The following EEF1D variants were observed in gnomAD, a reference collection of about 807,000 sequenced individuals.
EEF1D encodes the protein eukaryotic translation elongation factor 1 delta.
EEF1D carries 47 observed loss-of-function variants against 63.9 expected under a neutral mutation model. The ratio of observed to expected loss-of-function variants is 0.74; its 90% CI spans 0.58 to 0.94. The LOEUF (loss-of-function observed/expected upper bound fraction) is 0.94, where lower values mean the gene tolerates loss of function less well. Among genes scored for constraint, EEF1D ranks in the 40% least tolerant of loss-of-function variants. The pLI is 0.00. For synonymous variants in EEF1D, 412 were observed against 386.1 expected (o/e 1.07, Z -0.79); for missense variants, 907 against 899.0 (o/e 1.01, Z -0.11).
In EEF1D at chr8:143,579,818, C is replaced by A. The variant is rs769293820; in HGVS notation, c.1918G>T (p.Asp640Tyr). ...CAGATCTTGTTGAAAGCTGCGATAT[C>A]GACACTCTGCACCTGAGGAGAGGCG... ...TKFEEHVQSV[D>Y]IAAFNKI The change falls in exon 10 of 10, where the codon GAT becomes TAT. Residue 640 changes from aspartate to tyrosine, a missense_variant. By Grantham distance (160) the Asp-to-Tyr change is radical (BLOSUM62 -3). Transcript: ENST00000618139. The A allele has an allele frequency of 1.9e-6, 3 of 1,566,220 alleles. No individual in the cohort carries two copies. The highest frequency in any genetic ancestry group is 2.7e-5 in the African/African-American group (2 of 73,532).
At chr8:143,583,980 CAAGG>C (rs1354338948) in intron 5 of EEF1D, 1 of 152,248 alleles carries the variant, frequency 6.6e-6, no homozygotes, top group Non-Finnish European at 1.5e-5. Context: ...CCAGAAGAGA[CAAGG>C]AAGCGGATTC....
At chr8:143,588,963 G>T in intron 3 of EEF1D, 28 bp downstream of exon 3, 1 of 1,583,866 alleles carries the variant, frequency 6.3e-7, no homozygotes, top group Non-Finnish European at 8.5e-7. Flanking sequence ...AGCCCAGGCT[G>T]GGTGCCCACC....
In EEF1D at chr8:143,580,496, G is replaced by A. The variant is rs373473999; in HGVS notation, c.1710+10C>T. The A allele has an allele frequency of 2.4e-4, 383 of 1,607,208 alleles. No homozygotes were observed. Among genetic ancestry groups the A allele is most frequent in the South Asian group, 1.1e-3 (101 of 90,850 alleles). ...GCCTGGCCCCCTGAAGCCCCACCCC[G>A]CCCACTCACAGGCTTGACATCCAGC... On this transcript the variant is annotated intron_variant, in intron 8 of 9. Coordinates refer to ENST00000618139, the MANE Select transcript of EEF1D (RefSeq NM_001130053.5).
chr8:143,586,163 A>T, intron 5 of EEF1D, 56 bp downstream of exon 5: 1 of 1,528,118 alleles, frequency 6.5e-7, no homozygotes, highest in African/African-American at 1.4e-5. Flanking sequence ...AGGAAAAATC[A>T]GACATGCTGC....
rs371573684 is a variant in EEF1D at position 143,586,264 on chromosome 8, A to C, written c.1242T>G (p.Arg414=). Residue 414 remains arginine, a synonymous_variant, in exon 5 of 10, where the codon CGT becomes CGG. Coordinates refer to ENST00000618139, the MANE Select transcript of EEF1D (RefSeq NM_001130053.5). ...TGTTCTCTCTGGCTCTCGCAATGTC[A>C]CGGAGGATCACGCTGGCGCCGTTCT... is the stretch of plus-strand genomic sequence containing the variant. The part of the protein sequence containing the change: ...RQENGASVIL[R]DIARARENIQ... 1.4e-5 allele frequency: 22 copies of C among 1,608,456 alleles called. No individual in the cohort carries two copies. Among genetic ancestry groups the C allele is most frequent in the African/African-American group, 2.7e-5 (2 of 74,768 alleles).
chr8:143,596,204 G>C (rs1256265905), intron 1 of EEF1D: 1 of 152,430 alleles, frequency 6.6e-6, no homozygotes, highest in Non-Finnish European at 1.5e-5. Context: ...CACTCTGCCA[G>C]CACTGACTGC....
Position 143,581,146 on chromosome 8 carries a change from C to T in EEF1D, c.1396G>A (p.Glu466Lys), listed in dbSNP as rs1394113174. Residue 466 changes from glutamate (E) to lysine (K), a missense_variant, in exon 7 of 10, where the codon GAG (glutamate) becomes AAG (lysine). Physicochemically the swap from Glu to Lys is moderately conservative, Grantham distance 56. Coordinates refer to ENST00000618139, the MANE Select transcript of EEF1D (RefSeq NM_001130053.5). ...AGCTTGGAGATGGCCTGCTGCAGCT[C>T]CTGTACCACTGGGGGGGCAAGGGGA... ...ENQSLRGVVQ[E>K]LQQAISKLEA... is the part of the protein sequence containing the mutation. 2 of 1,612,978 alleles carry T rather than the reference C, an allele frequency of 1.2e-6. No individual in the cohort carries two copies. Among genetic ancestry groups the T allele is most frequent in the South Asian group, 2.2e-5 (2 of 91,078 alleles).
At chr8:143,584,178 C>T (rs1826092881) in intron 5 of EEF1D, 1 of 152,202 alleles carries the variant, frequency 6.6e-6, no homozygotes, top group South Asian at 2.1e-4. Context: ...TGGGGTGCTG[C>T]TGGAATGCCT....
chr8:143,585,510 T>A (rs1027083392), intron 5 of EEF1D, among the ~76,000 whole-genome samples: 4 of 152,228 alleles, frequency 2.6e-5, no homozygotes, highest in Admixed American at 2.0e-4. Flanking sequence ...ATGTACTGTT[T>A]CCAGCGTGAG....
rs559124965 is a variant in EEF1D, at chr8:143,587,787, C to G, written c.1092-935G>C. Among the ~76,000 whole-genome samples, 4 of 152,376 alleles carry G rather than the reference C, an allele frequency of 2.6e-5. 1 individual carries two copies. In the South Asian group the frequency reaches 8.3e-4, roughly 32 times the overall value. ...TGGTTTTACTGGCACAAAGCCCCAC[C>G]TCGTGCCACTCCCACTGGCCAGCAG... is the stretch of plus-strand genomic sequence containing the variant. On this transcript the variant is annotated intron_variant, in intron 3 of 9. Coordinates refer to ENST00000618139, the MANE Select transcript of EEF1D (RefSeq NM_001130053.5).
At chr8:143,592,416 TG>T (rs1354763143) in intron 2 of EEF1D, among the ~76,000 whole-genome samples, 1 of 150,578 alleles carries the variant, frequency 6.6e-6, no homozygotes, top group Non-Finnish European at 1.5e-5. Flanking sequence ...GCATGTCAGC[TG>T]CTGACCCGCC....
chr8:143,588,889 C>A, intron 3 of EEF1D, 102 bp downstream of exon 3: 1 of 1,446,228 alleles, frequency 6.9e-7, no homozygotes. Context: ...GGAGCCCCCA[C>A]CCCAGGTGGG....
intron 1 of EEF1D, chr8:143,596,698 T>G (rs1828888802): frequency 6.6e-6 from 1 of 152,288 alleles, no homozygotes; most frequent in African/African-American, 2.4e-5. Flanking sequence ...TGACGTCTCA[T>G]CAGGTCCCCA....
Position 143,589,821 on chromosome 8 carries a change from C to T in EEF1D, c.261G>A (p.Lys87=). 1 of 1,603,898 alleles carries T rather than the reference C, an allele frequency of 6.2e-7. No homozygotes were observed. Among genetic ancestry groups the T allele is most frequent in the Non-Finnish European group, 8.5e-7 (1 of 1,176,272 alleles). ...GCCCGCTCTTGGGGGAGCGCTTCCT[C>T]TTTTTCTGCAGGGGCTTCCTGCTGT... ...SQDSRKPLQK[K]RKRSPKSGLG... Residue 87 remains lysine (K), a synonymous_variant, in exon 3 of 10, where the codon AAG becomes AAA. Coordinates refer to ENST00000618139, the MANE Select transcript of EEF1D (RefSeq NM_001130053.5).
At chr8:143,594,854 C>A (rs1421023325) in intron 1 of EEF1D, among the ~76,000 whole-genome samples, 1 of 152,150 alleles carries the variant, frequency 6.6e-6, no homozygotes, top group South Asian at 2.1e-4. Context: ...GGCAAAACCA[C>A]CGCACGGCAG....
intron 7 of EEF1D, 62 bp downstream of exon 7, chr8:143,580,992 G>T: frequency 6.4e-7 from 1 of 1,550,532 alleles, no homozygotes; most frequent in Non-Finnish European, 8.9e-7. Flanking sequence ...CCCACAGGGC[G>T]ACGTGGAAGC....
chr8:143,580,843 T>C, intron 7 of EEF1D, 116 bp from the exon 8 acceptor site: 1 of 1,295,528 alleles, frequency 7.7e-7, no homozygotes, highest in Non-Finnish European at 1.1e-6. Flanking sequence ...GCAGCCCCTG[T>C]GTACCGCAGC....
In EEF1D at chr8:143,580,034, T is replaced by A; in HGVS notation, c.1883A>T (p.Glu628Val). The A allele has an allele frequency of 6.2e-7, 1 of 1,613,748 alleles. No homozygotes were observed. The highest frequency in any genetic ancestry group is 2.2e-5 in the East Asian group (1 of 44,852). ...DKVGTDLLEE[E>V]ITKFEEHVQS... ...CACGTGCTCCTCAAACTTGGTGATC[T>A]CCTCCTCCAGCAAGTCTGTCCCCAC... The change falls in exon 9 of 10, where the codon GAG becomes GTG. Residue 628 changes from glutamate (E) to valine (V), a missense_variant. Coordinates refer to ENST00000618139, the MANE Select transcript of EEF1D (RefSeq NM_001130053.5).
chr8:143,580,051 T>G lies in EEF1D; in HGVS notation c.1866A>C (p.Thr622=). The G allele has an allele frequency of 6.2e-7, 1 of 1,614,014 alleles. No individual in the cohort carries two copies. The highest frequency in any genetic ancestry group is 8.5e-7 in the Non-Finnish European group (1 of 1,179,992). Residue 622 remains threonine (T), a synonymous_variant, in exon 9 of 10, where the codon ACA becomes ACC. Transcript: ENST00000618139. ...QCVVEDDKVG[T]DLLEEEITKF... is the part of the protein sequence containing the mutation. ...TGGTGATCTCCTCCTCCAGCAAGTC[T>G]GTCCCCACCTTGTCGTCCTCCACCA...
Sources: gnomAD v4.1 joint callset for allele counts (sites outside exome capture counted in the v4.1 genomes callset) on GRCh38, gnomAD v4.1.1 for gene constraint, MANE v1.5 for transcripts, NCBI Gene and HGNC (gene_info 2026-07-23, HGNC 2026-07-21) for gene names.